Variants in NUBP1 observed in about 807,000 individuals in gnomAD.
The protein encoded by NUBP1 is cytosolic Fe-S cluster assembly factor NUBP1.
NUBP1 carries 46 observed loss-of-function variants against 41.8 expected under a neutral mutation model. The ratio of observed to expected loss-of-function variants is 1.10; its 90% CI spans 0.87 to 1.41. The LOEUF (loss-of-function observed/expected upper bound fraction) is 1.41, where lower values mean the gene tolerates loss of function less well. Among genes scored for constraint, NUBP1 ranks in the 40% most tolerant of loss-of-function variants. The pLI, the probability that NUBP1 is intolerant of heterozygous loss-of-function variation, is 0.00. For missense variants in NUBP1, 494 were observed against 414.0 expected (o/e 1.19, Z -1.68); for synonymous variants, 189 against 154.6 (o/e 1.22, Z -1.65).
rs267604406 is a variant in NUBP1, at chr16:10,761,787, G to T, written c.748G>T (p.Gly250Trp). ...ATCTCAGATATTCCCTCCCACAACC[G>T]GGGGCGCGGAGCTCATGTGCCAGGA... The part of the protein sequence containing the change: ...KESQIFPPTT[G>W]GAELMCQDLE... Residue 250 changes from glycine to tryptophan, a missense_variant, in exon 9 of 11, where the codon GGG becomes TGG. Transcript: ENST00000283027. 7 of 1,613,688 alleles carry T rather than the reference G, an allele frequency of 4.3e-6. No homozygotes were observed. Among genetic ancestry groups the T allele is most frequent in the Non-Finnish European group, 5.9e-6 (7 of 1,179,752 alleles).
chr16:10,768,081 C>G lies in NUBP1; in HGVS notation c.904+49C>G. 1 of 1,572,292 alleles carries G rather than the reference C, an allele frequency of 6.4e-7. No individual in the cohort carries two copies. The highest frequency in any genetic ancestry group is 1.1e-5 in the South Asian group (1 of 90,270). ...ATGCAGATGCCTGTGGGGCAGGAAGCAACATAAAGGAGCCAGGGGTGTGGA... is the reference window on the plus strand; with the variant it reads ...ATGCAGATGCCTGTGGGGCAGGAAGGAACATAAAGGAGCCAGGGGTGTGGA... On this transcript the variant is annotated intron_variant, in intron 10 of 10. Coordinates refer to ENST00000283027, the MANE Select transcript of NUBP1 (RefSeq NM_002484.4). This position sits in a 1 kb window ranked among gnomAD's most constrained non-coding sequence, Gnocchi z 4.3.
Position 10,768,715 on chromosome 16 carries a change from TGTCA to T in NUBP1, c.905-329_905-326del. The T allele has an allele frequency of 3.9e-6, 1 of 256,898 alleles. No individual in the cohort carries two copies. Among genetic ancestry groups the T allele is most frequent in the Non-Finnish European group, 7.3e-6 (1 of 137,074 alleles). 15.9% of individuals were successfully genotyped at this position (256,898 alleles called of 1,614,324 possible). A position where few individuals can be genotyped will look rare whatever the true frequency, so the allele number is the denominator to read the frequency against. Reference sequence around the variant, plus strand: ...AGAGGCCCCAGAGTTAGGGCAGAGGTGTCAGTGTTTGTTAAAGCTGTGGTCTCTG... The same window carrying T: ...AGAGGCCCCAGAGTTAGGGCAGAGGTGTGTTTGTTAAAGCTGTGGTCTCTG... On this transcript the variant is annotated intron_variant, in intron 10 of 10. Transcript: ENST00000283027. This position sits in a 1 kb window ranked among gnomAD's most constrained non-coding sequence, Gnocchi z 4.3.
rs996400733 is a variant in NUBP1, at chr16:10,761,329, T to A, written c.607-35T>A. ...CACAGACATTCCCTTTCTCGCACTT[T>A]GATGCTGGAATCACTGGTCTTTTCA... On this transcript the variant is annotated intron_variant, in intron 7 of 10. Coordinates refer to ENST00000283027, the MANE Select transcript of NUBP1 (RefSeq NM_002484.4). The A allele has an allele frequency of 5.6e-6, 9 of 1,596,474 alleles. No homozygotes were observed. The African/African-American group carries it at 1.1e-4, about 19-fold the overall frequency.
At position 10,759,871 on chromosome 16, in the gene NUBP1, C is replaced by G. The variant is rs561471890; in HGVS notation, c.607-1493C>G. Among the ~76,000 whole-genome samples the G allele has an allele frequency of 6.6e-6, 1 of 152,346 alleles. No homozygotes were observed. The highest frequency in any genetic ancestry group is 2.1e-4 in the South Asian group (1 of 4,832). Reference sequence around the variant, plus strand: ...CGCATCCCAGCCTCAGTGTCAAGAGCCAAACAGGCATCTCAGGAAAAGAAC... The same window carrying G: ...CGCATCCCAGCCTCAGTGTCAAGAGGCAAACAGGCATCTCAGGAAAAGAAC... On this transcript the variant is annotated intron_variant, in intron 7 of 10. Coordinates refer to ENST00000283027, the MANE Select transcript of NUBP1 (RefSeq NM_002484.4). The surrounding 1 kb of genome is among the most constrained non-coding windows in gnomAD (Gnocchi z 4.7).
Position 10,765,520 on chromosome 16 carries a change from A to T in NUBP1, c.821-2429A>T, listed in dbSNP as rs147583102. ...AAGAACCTGTCTCAAAAAAAAATTTAAAAATGGCATGCTTGCTGACCCACC... is the reference window on the plus strand; with the variant it reads ...AAGAACCTGTCTCAAAAAAAAATTTTAAAATGGCATGCTTGCTGACCCACC... On this transcript the variant is annotated intron_variant, in intron 9 of 10. Transcript: ENST00000283027. This position sits in a 1 kb window ranked among gnomAD's most constrained non-coding sequence, Gnocchi z 4.0. 6.3e-3 allele frequency among the ~76,000 whole-genome samples: 961 copies of T among 152,140 alleles called. 9 individuals carry two copies. Among genetic ancestry groups the T allele is most frequent in the African/African-American group, 0.022 (904 of 41,500 alleles).
In NUBP1 at chr16:10,749,696, G is replaced by GCA. The variant is rs1900229780; in HGVS notation, c.258+2420_258+2421insCA. Among the ~76,000 whole-genome samples, 1 of 152,238 alleles carries GCA rather than the reference G, an allele frequency of 6.6e-6. No individual in the cohort carries two copies. Among genetic ancestry groups the GCA allele is most frequent in the South Asian group, 2.1e-4 (1 of 4,836 alleles). On this transcript the variant is annotated intron_variant, in intron 3 of 10. Coordinates refer to ENST00000283027, the MANE Select transcript of NUBP1 (RefSeq NM_002484.4). This position sits in a 1 kb window ranked among gnomAD's most constrained non-coding sequence, Gnocchi z 4.1. ...TTCTCCCTGCCCTAAATCCAGCAGG[G>GCA]TGGTGGGACATGCCCTGACCTTTTT...
chr16:10,756,808 T>C (rs1900590437), intron 6 of NUBP1, 28 bp downstream of exon 6: 1 of 1,571,068 alleles, frequency 6.4e-7, no homozygotes, highest in Non-Finnish European at 8.7e-7. Context: ...TTTTTGTCTC[T>C]CACATTCTTC....
Position 10,764,694 on chromosome 16 carries a change from T to C in NUBP1, c.820+2835T>C, listed in dbSNP as rs180786664. Among the ~76,000 whole-genome samples, 657 of 151,684 alleles carry C rather than the reference T, an allele frequency of 4.3e-3. 4 individuals carry two copies. Among genetic ancestry groups the C allele is most frequent in the Middle Eastern group, 0.021 (6 of 292 alleles). ...ATCTCAGTCTGCTGGAGTAGGTCTATTGGAGCATCTCAGTCTGCTGGAGTA... is the reference window on the plus strand; with the variant it reads ...ATCTCAGTCTGCTGGAGTAGGTCTACTGGAGCATCTCAGTCTGCTGGAGTA... On this transcript the variant is annotated intron_variant, in intron 9 of 10. Coordinates refer to ENST00000283027, the MANE Select transcript of NUBP1 (RefSeq NM_002484.4).
chr16:10,755,866 G>C (rs1395790275), intron 5 of NUBP1, 113 bp downstream of exon 5: 15 of 991,182 alleles, frequency 1.5e-5, no homozygotes, highest in Non-Finnish European at 2.2e-5. Context: ...TCGAGGCACA[G>C]AGGATGTGAT....
At chr16:10,762,902 G>A (rs2030215825) in intron 9 of NUBP1, among the ~76,000 whole-genome samples, 2 of 148,604 alleles carry the variant, frequency 1.3e-5, no homozygotes, top group Admixed American at 6.7e-5. Context: ...TGCATGGGGA[G>A]AATGGGAGCC....
Position 10,766,953 on chromosome 16 carries a change from G to T in NUBP1, c.821-996G>T. 1 of 398,662 alleles carries T rather than the reference G, an allele frequency of 2.5e-6. No individual in the cohort carries two copies. Among genetic ancestry groups the T allele is most frequent in the Non-Finnish European group, 4.4e-6 (1 of 226,122 alleles). 24.7% of individuals were successfully genotyped at this position (398,662 alleles called of 1,614,324 possible). On this transcript the variant is annotated intron_variant, in intron 9 of 10. Transcript: ENST00000283027. The surrounding 1 kb of genome is among the most constrained non-coding windows in gnomAD (Gnocchi z 4.8). ...GGACCCTATTTTCCTGACTCACTGG[G>T]CCATATGGGCTCCCCATCTCCCACC...
rs60594187 is a variant in NUBP1 at position 10,756,658 on chromosome 16, C to T, written c.361-32C>T. 39 of 1,479,298 alleles carry T rather than the reference C, an allele frequency of 2.6e-5. No individual in the cohort carries two copies. The Admixed American group carries it at 2.7e-4, about 10-fold the overall frequency. The allele number at this position is 1,479,298 out of a possible 1,614,324, so 91.6% of individuals were successfully genotyped here. A position where few individuals can be genotyped will look rare whatever the true frequency, so the allele number is the denominator to read the frequency against. ...CCTCACTGTGTGGTTTTGAGTAAAG[C>T]GTGTCTTGCCCTCACCCTGTTCCCT... On this transcript the variant is annotated intron_variant, in intron 5 of 10. Transcript: ENST00000283027.
chr16:10,753,237 G>A (rs916245649), intron 4 of NUBP1, among the ~76,000 whole-genome samples: 9 of 152,162 alleles, frequency 5.9e-5, no homozygotes, highest in Admixed American at 3.9e-4. Context: ...CATTGGTTTC[G>A]ATGCCTCCTC....
chr16:10,746,929 A>T (rs1900087859), intron 2 of NUBP1, among the ~76,000 whole-genome samples: 1 of 152,142 alleles, frequency 6.6e-6, no homozygotes, highest in Non-Finnish European at 1.5e-5. Context: ...AAACGTGTAA[A>T]CCAATAAATG....
chr16:10,763,270 T>C (rs933330467), intron 9 of NUBP1, among the ~76,000 whole-genome samples: 8 of 151,332 alleles, frequency 5.3e-5, no homozygotes, highest in South Asian at 2.1e-4. Context: ...CCACAGGACA[T>C]GGACAGGATT....
rs2697657 is a variant in NUBP1, at chr16:10,765,508, A to C, written c.821-2441A>C. Among the ~76,000 whole-genome samples, 102,403 of 151,580 alleles carry C rather than the reference A, an allele frequency of 0.68. 35,284 individuals carry two copies. The highest frequency in any genetic ancestry group is 0.82 in the South Asian group (3,931 of 4,790). ...GGGCGACAGAGCAAGAACCTGTCTC[A>C]AAAAAAAATTTAAAAATGGCATGCT... On this transcript the variant is annotated intron_variant, in intron 9 of 10. Coordinates refer to ENST00000283027, the MANE Select transcript of NUBP1 (RefSeq NM_002484.4). The surrounding 1 kb of genome is among the most constrained non-coding windows in gnomAD (Gnocchi z 4.0).
rs530188747 is a variant in NUBP1, at chr16:10,766,902, G to C, written c.821-1047G>C. On this transcript the variant is annotated intron_variant, in intron 9 of 10. Transcript: ENST00000283027. This position sits in a 1 kb window ranked among gnomAD's most constrained non-coding sequence, Gnocchi z 4.8. The stretch of plus-strand genomic sequence containing the variant: ...ACATTTCCTGTTATGGCTCAAGTGC[G>C]AATTGGCCTTATGTTCCCTGCCTCT... The C allele has an allele frequency of 1.3e-5, 5 of 398,556 alleles. No homozygotes were observed. The East Asian group carries it at 1.4e-4, about 11-fold the overall frequency. The allele number at this position is 398,556 out of a possible 1,614,324, so 24.7% of individuals were successfully genotyped here.
intron 2 of NUBP1, among the ~76,000 whole-genome samples, chr16:10,744,742 A>T (rs1399536746): frequency 6.6e-6 from 1 of 151,956 alleles, no homozygotes; most frequent in Non-Finnish European, 1.5e-5. Context: ...CAGGAGGACA[A>T]TATTTTTTTT....
chr16:10,754,914 G>A (rs1464807612), intron 4 of NUBP1, among the ~76,000 whole-genome samples: 2 of 151,954 alleles, frequency 1.3e-5, no homozygotes, highest in Admixed American at 6.6e-5. Flanking sequence ...GCATGGTGGC[G>A]GGCACCTATA....
Sources: gnomAD v4.1 joint callset for allele counts (sites outside exome capture counted in the v4.1 genomes callset) on GRCh38, gnomAD v4.1.1 for gene constraint, Gnocchi (gnomAD v3.1) non-coding constraint, MANE v1.5 for transcripts, NCBI Gene and HGNC (gene_info 2026-07-23, HGNC 2026-07-21) for gene names.